UGT1A6: variants seen among roughly 807,000 people sequenced by gnomAD.
The protein encoded by UGT1A6 is UDP glucuronosyltransferase family 1 member A6.
A neutral mutation model predicts 44.4 loss-of-function variants in UGT1A6; 32 were observed. The observed-to-expected ratio is 0.72, with a 90% confidence interval of 0.54 to 0.97. The LOEUF is 0.97. Among genes scored for constraint, UGT1A6 ranks in the 50% least tolerant of loss-of-function variants. UGT1A6 has a pLI of 0.00. For missense variants in UGT1A6, 685 were observed against 661.9 expected (o/e 1.03, Z -0.38); for synonymous variants, 238 against 248.5 (o/e 0.96, Z 0.40).
chr2:233,756,647 A>G (rs924838506), intron 1 of UGT1A6, among the ~76,000 whole-genome samples: 33 of 152,308 alleles, frequency 2.2e-4, no homozygotes, highest in African/African-American at 5.1e-4. Flanking sequence ...GGGGATAAAC[A>G]TGGGATGCAG....
chr2:233,754,393 T>C (rs1161428077), intron 1 of UGT1A6: 1 of 317,382 alleles, frequency 3.2e-6, no homozygotes, highest in South Asian at 2.8e-5. Context: ...AGAGGTCCTA[T>C]CCGTGCAGTC....
chr2:233,696,602 T>C (rs1304654610), intron 1 of UGT1A6, among the ~76,000 whole-genome samples: 1 of 136,470 alleles, frequency 7.3e-6, no homozygotes, highest in Non-Finnish European at 1.6e-5. Context: ...CCAACTTGGA[T>C]GCCCTTTCTT....
At chr2:233,740,251 C>G (rs922661439) in intron 1 of UGT1A6, among the ~76,000 whole-genome samples, 2 of 151,726 alleles carry the variant, frequency 1.3e-5, no homozygotes, top group African/African-American at 4.9e-5. Flanking sequence ...TAGACTAATA[C>G]AAGATTGGTG....
At chr2:233,738,545 C>T (rs1690821888) in intron 1 of UGT1A6, among the ~76,000 whole-genome samples, 1 of 152,164 alleles carries the variant, frequency 6.6e-6, no homozygotes, top group South Asian at 2.1e-4. Flanking sequence ...GGCTGAGTCT[C>T]AGATAGAGAT....
At chr2:233,735,248 G>T (rs1391437917) in intron 1 of UGT1A6, among the ~76,000 whole-genome samples, 3 of 152,102 alleles carry the variant, frequency 2.0e-5, no homozygotes, top group African/African-American at 7.2e-5. Flanking sequence ...TTGTTGAATT[G>T]CTCCCTTTAC....
chr2:233,730,090 C>A, intron 1 of UGT1A6: 2 of 1,596,076 alleles, frequency 1.3e-6, no homozygotes, highest in South Asian at 1.1e-5. Flanking sequence ...ACTTATCTTT[C>A]CAAATATTTC....
At chr2:233,701,202 C>T (rs954560608) in intron 1 of UGT1A6, among the ~76,000 whole-genome samples, 3 of 152,090 alleles carry the variant, frequency 2.0e-5, no homozygotes, top group African/African-American at 7.2e-5. Context: ...GTCTTTATAG[C>T]AGCATTATTT....
At position 233,725,191 on chromosome 2, in the gene UGT1A6, C is replaced by G. The variant is rs191532024; in HGVS notation, c.861+31326C>G. ...GGGAGACCGTGGGGAGAGGCAGAGG[C>G]AGAGGCAGAGGCAGAGGCAGAGGCA... On this transcript the variant is annotated intron_variant, in intron 1 of 4. Coordinates refer to ENST00000305139, the MANE Select transcript of UGT1A6 (RefSeq NM_001072.4). 5.0e-3 allele frequency among the ~76,000 whole-genome samples: 361 copies of G among 72,876 alleles called. 32 individuals carry two copies. The highest frequency in any genetic ancestry group is 0.021 in the African/African-American group (183 of 8,670). 47.8% of individuals were successfully genotyped at this position (72,876 alleles called of 152,430 possible).
Position 233,772,351 on chromosome 2 carries a change from T to C in UGT1A6, c.1391T>C (p.Val464Ala). 1 of 1,614,248 alleles carries C rather than the reference T, an allele frequency of 6.2e-7. No individual in the cohort carries two copies. The change falls in exon 5 of 5, where the codon GTG becomes GCG. Residue 464 changes from valine (V) to alanine (A), a missense_variant. Transcript: ENST00000305139. ...CTGGCCGTGTTCTGGGTGGAGTTTG[T>C]GATGAGGCACAAGGGCGCGCCACAC... ...LDLAVFWVEF[V>A]MRHKGAPHLR...
At chr2:233,763,748 T>A (rs1698392875) in intron 1 of UGT1A6, among the ~76,000 whole-genome samples, 1 of 152,112 alleles carries the variant, frequency 6.6e-6, no homozygotes, top group African/African-American at 2.4e-5. Flanking sequence ...GTGTCTTTGG[T>A]GTGTCTGAAG....
chr2:233,761,403 A>G (rs1379452016), intron 1 of UGT1A6, among the ~76,000 whole-genome samples: 2 of 152,210 alleles, frequency 1.3e-5, no homozygotes, highest in Non-Finnish European at 2.9e-5. Context: ...ATAGTAATCA[A>G]TTAGAAACAA....
At chr2:233,715,879 C>T (rs1410006129) in intron 1 of UGT1A6, among the ~76,000 whole-genome samples, 3 of 152,094 alleles carry the variant, frequency 2.0e-5, no homozygotes, top group African/African-American at 7.2e-5. Context: ...GTGCCTGTGG[C>T]CCCAGCTACT....
chr2:233,712,674 G>A (rs1441812759), intron 1 of UGT1A6, among the ~76,000 whole-genome samples: 2 of 152,212 alleles, frequency 1.3e-5, no homozygotes, highest in Admixed American at 6.5e-5. Flanking sequence ...GTAGGAGACA[G>A]TGACATGAAA....
intron 1 of UGT1A6, among the ~76,000 whole-genome samples, chr2:233,741,256 C>T (rs1347287188): frequency 6.6e-6 from 1 of 151,868 alleles, no homozygotes; most frequent in Non-Finnish European, 1.5e-5. Context: ...GTATGCCACT[C>T]TTTGCTGACC....
intron 1 of UGT1A6, among the ~76,000 whole-genome samples, chr2:233,763,435 T>G (rs1698313873): frequency 6.6e-6 from 1 of 152,248 alleles, no homozygotes; most frequent in African/African-American, 2.4e-5. Flanking sequence ...GTTGCTTTAA[T>G]AAGTGCATTT....
chr2:233,767,705 C>T, intron 2 of UGT1A6, 144 bp from the exon 3 acceptor site: 1 of 1,520,160 alleles, frequency 6.6e-7, no homozygotes, highest in Non-Finnish European at 8.8e-7. Context: ...TGCCAGTCCT[C>T]AGAAGCCTTC....
At chr2:233,736,828 G>T (rs2078816893) in intron 1 of UGT1A6, among the ~76,000 whole-genome samples, 1 of 152,192 alleles carries the variant, frequency 6.6e-6, no homozygotes, top group Admixed American at 6.5e-5. Flanking sequence ...GATGCTCTTT[G>T]CTTTGGTATC....
rs910583774 is a variant in UGT1A6 at position 233,730,144 on chromosome 2, T to G, written c.861+36279T>G. The G allele has an allele frequency of 2.1e-5, 31 of 1,508,278 alleles. No individual in the cohort carries two copies. In the East Asian group the frequency reaches 2.9e-4, roughly 14 times the overall value. 93.4% of individuals were successfully genotyped at this position (1,508,278 alleles called of 1,614,324 possible). On this transcript the variant is annotated intron_variant, in intron 1 of 4. Transcript: ENST00000305139. ...CATAATAGCCTTCAGTGAGATAAAC[T>G]GTTAAGGGGTCTCTAGTAGCGTATT...
chr2:233,710,241 C>T (rs529654756), intron 1 of UGT1A6, among the ~76,000 whole-genome samples: 19 of 152,204 alleles, frequency 1.2e-4, no homozygotes, highest in East Asian at 9.6e-4. Context: ...TATTCGAGTA[C>T]GAGTGTTTCT....
Sources: allele counts gnomAD v4.1 joint callset (sites outside exome capture counted in the v4.1 genomes callset), GRCh38; gene constraint gnomAD v4.1.1; transcripts MANE v1.5; gene names NCBI Gene and HGNC (gene_info 2026-07-23, HGNC 2026-07-21).